The following GTPBP4 variants were observed in gnomAD, a reference collection of about 807,000 sequenced individuals.
The protein encoded by GTPBP4 is GTP binding protein 4, also known as GTP-binding protein 4.
GTPBP4 carries 15 observed loss-of-function variants against 81.7 expected under a neutral mutation model. That is an observed-to-expected ratio of 0.18 (90% CI 0.12 to 0.28). The LOEUF is 0.28. Among genes scored for constraint, GTPBP4 ranks in the 10% least tolerant of loss-of-function variants. The pLI is 1.00. For missense variants in GTPBP4, 847 were observed against 793.8 expected (o/e 1.07, Z -0.81); for synonymous variants, 272 against 274.6 (o/e 0.99, Z 0.09).
chr10:1,016,497 T>TC (rs1831995720), intron 16 of GTPBP4, among the ~76,000 whole-genome samples: 1 of 152,242 alleles, frequency 6.6e-6, no homozygotes, highest in Admixed American at 6.5e-5. Flanking sequence ...AACTGCAGTC[T>TC]CCTTCATGGA....
intron 5 of GTPBP4, among the ~76,000 whole-genome samples, chr10:997,772 C>G (rs537246595): frequency 6.6e-6 from 1 of 152,322 alleles, no homozygotes; most frequent in East Asian, 1.9e-4. Flanking sequence ...CCGTCTGCAG[C>G]TGCATCTGAG....
At chr10:1,008,848 T>C (rs1831799319) in intron 10 of GTPBP4, 110 bp from the exon 11 acceptor site, 1 of 819,716 alleles carries the variant, frequency 1.2e-6, no homozygotes, top group South Asian at 1.3e-5. Context: ...GGTCTGGGTA[T>C]GGTTTTCTGT....
intron 14 of GTPBP4, among the ~76,000 whole-genome samples, chr10:1,013,535 G>A (rs941041275): frequency 1.3e-4 from 20 of 152,148 alleles, no homozygotes; most frequent in African/African-American, 3.4e-4. Context: ...GTGTGAACCC[G>A]GGAGGCAGAG....
intron 1 of GTPBP4, among the ~76,000 whole-genome samples, chr10:991,263 G>C (rs1831436727): frequency 6.6e-6 from 1 of 152,208 alleles, no homozygotes; most frequent in South Asian, 2.1e-4. Flanking sequence ...CAGCACCCAA[G>C]TATCCCTAAC....
At position 1,017,489 on chromosome 10, in the gene GTPBP4, A is replaced by C; in HGVS notation, c.*262A>C. On this transcript the variant is annotated 3_prime_UTR_variant, in exon 17 of 17. Transcript: ENST00000360803. ...TTGCTTCAGATTTTCAGAACTGGGA[A>C]GATTTACTGGTTTAACTAGGTTGTT... 2 of 347,200 alleles carry C rather than the reference A, an allele frequency of 5.8e-6. No individual in the cohort carries two copies. 21.5% of individuals were successfully genotyped at this position (347,200 alleles called of 1,614,324 possible).
intron 13 of GTPBP4, among the ~76,000 whole-genome samples, chr10:1,011,021 G>A (rs564742572): frequency 2.6e-5 from 2 of 75,664 alleles, no homozygotes; most frequent in Non-Finnish European, 5.3e-5. Flanking sequence ...CTGTGTCTCC[G>A]CCAGGCCCTG....
In GTPBP4 at chr10:992,612, T is replaced by A. The variant is rs1347915171; in HGVS notation, c.172T>A (p.Tyr58Asn). The A allele has an allele frequency of 6.2e-7, 1 of 1,606,616 alleles. No homozygotes were observed. Among genetic ancestry groups the A allele is most frequent in the Admixed American group, 1.7e-5 (1 of 59,878 alleles). ...AAAAGTCAAATTTACTCAACAGAATTACCATGATAGACTTTCACAAATTCT... is the reference window on the plus strand; with the variant it reads ...AAAAGTCAAATTTACTCAACAGAATAACCATGATAGACTTTCACAAATTCT... The part of the protein sequence containing the change: ...MRKVKFTQQN[Y>N]HDRLSQILTD... The change falls in exon 2 of 17, where the codon TAC becomes AAC. Residue 58 changes from tyrosine (Y) to asparagine (N), a missense_variant. Tyr to Asn is a moderately radical substitution (Grantham distance 143, BLOSUM62 -2). Transcript: ENST00000360803.
chr10:1,012,987 CT>C (rs1474663769), intron 14 of GTPBP4, among the ~76,000 whole-genome samples: 1 of 151,838 alleles, frequency 6.6e-6, no homozygotes, highest in East Asian at 1.9e-4. Flanking sequence ...TTCTCTCTCT[CT>C]TTTTTTTAGG....
chr10:989,679 C>T (rs148518607), intron 1 of GTPBP4, among the ~76,000 whole-genome samples: 55 of 152,320 alleles, frequency 3.6e-4, no homozygotes, highest in African/African-American at 1.3e-3. Flanking sequence ...CCCCACTTCT[C>T]TCCACCATTT....
intron 13 of GTPBP4, among the ~76,000 whole-genome samples, chr10:1,011,685 G>A (rs1831877986): frequency 6.6e-6 from 1 of 152,174 alleles, no homozygotes; most frequent in African/African-American, 2.4e-5. Flanking sequence ...CAGATTCTGG[G>A]ATAGCAGATT....
In GTPBP4 at chr10:1,017,122, G is replaced by C. The variant is rs1832007389; in HGVS notation, c.1800G>C (p.Met600Ile). The C allele has an allele frequency of 6.2e-7, 1 of 1,613,800 alleles. No homozygotes were observed. Among genetic ancestry groups the C allele is most frequent in the African/African-American group, 1.3e-5 (1 of 74,934 alleles). The change falls in exon 17 of 17, where the codon ATG becomes ATC. Residue 600 changes from methionine to isoleucine, a missense_variant. Coordinates refer to ENST00000360803, the MANE Select transcript of GTPBP4 (RefSeq NM_012341.3). Reference sequence around the variant, plus strand: ...TGATGAAGAATGCTCAGAAGAAGATGAATCGGTTGGGGAAGAAAGGGGAGG... The same window carrying C: ...TGATGAAGAATGCTCAGAAGAAGATCAATCGGTTGGGGAAGAAAGGGGAGG... Reference protein sequence around the residue: ...KTMMKNAQKKMNRLGKKGEAD... With the variant: ...KTMMKNAQKKINRLGKKGEAD...
rs891726773 is a variant in GTPBP4 at position 1,017,851 on chromosome 10, C to T, written c.*624C>T. 6.6e-6 allele frequency: 1 copy of T among 152,182 alleles called. No individual in the cohort carries two copies. The highest frequency in any genetic ancestry group is 1.5e-5 in the Non-Finnish European group (1 of 68,034). 9.4% of individuals were successfully genotyped at this position (152,182 alleles called of 1,614,324 possible). A position where few individuals can be genotyped will look rare whatever the true frequency, so the allele number is the denominator to read the frequency against. On this transcript the variant is annotated 3_prime_UTR_variant, in exon 17 of 17. Transcript: ENST00000360803. ...GAGGCATTAGGCAATTAAATATGGG[C>T]ATTCTCCTATTTCTGTGGCCCGTCC...
intron 2 of GTPBP4, among the ~76,000 whole-genome samples, chr10:995,496 T>G (rs939384612): frequency 1.6e-5 from 1 of 63,368 alleles, no homozygotes; most frequent in Non-Finnish European, 2.9e-5. Context: ...ACAGTGTGTC[T>G]TGGGAGCAAA....
At position 1,000,709 on chromosome 10, in the gene GTPBP4, T is replaced by C; in HGVS notation, c.687T>C (p.Pro229=). The C allele has an allele frequency of 6.4e-7, 1 of 1,558,272 alleles. No homozygotes were observed. ...VVDTPGILDH[P]LEDRNTIEMQ... is the part of the protein sequence containing the mutation. The stretch of plus-strand genomic sequence containing the variant: ...ACACTCCTGGGATCCTGGACCACCC[T>C]CTGGAGGATAGGAACACCATCGAGA... Residue 229 remains proline (P), a synonymous_variant, in exon 7 of 17, where the codon CCT becomes CCC. Transcript: ENST00000360803.
At chr10:988,789 G>C (rs2794648) in intron 1 of GTPBP4, 453,342 of 454,780 alleles carry the variant, frequency 1, 225,968 homozygotes, top group East Asian at 1. Flanking sequence ...CCCCAGAGAT[G>C]GGGGTACACC....
intron 1 of GTPBP4, among the ~76,000 whole-genome samples, chr10:991,105 T>C (rs2132153568): frequency 6.6e-6 from 1 of 151,860 alleles, no homozygotes; most frequent in South Asian, 2.1e-4. Flanking sequence ...ACCACCCATT[T>C]ACTTGTCTCA....
Position 1,015,851 on chromosome 10 carries a change from T to A in GTPBP4, c.1707T>A (p.Ser569Arg), listed in dbSNP as rs570626417. The A allele has an allele frequency of 1.2e-5, 19 of 1,613,418 alleles. No homozygotes were observed. The South Asian group carries it at 2.1e-4, about 18-fold the overall frequency. The part of the protein sequence containing the change: ...APPSSVARSG[S>R]CSRTPRDVSG... ...CGTCCTCTGTGGCCCGGAGTGGGAGTTGCTCTCGAACTCCACGTGACGTTT... is the reference window on the plus strand; with the variant it reads ...CGTCCTCTGTGGCCCGGAGTGGGAGATGCTCTCGAACTCCACGTGACGTTT... The change falls in exon 16 of 17, where the codon AGT (serine) becomes AGA (arginine). Residue 569 changes from serine (S) to arginine (R), a missense_variant. Physicochemically the swap from Ser to Arg is moderately radical, Grantham distance 110 (BLOSUM62 -1). Transcript: ENST00000360803.
intron 10 of GTPBP4, 28 bp downstream of exon 10, chr10:1,007,156 G>A (rs1276957063): frequency 1.6e-6 from 2 of 1,253,600 alleles, no homozygotes; most frequent in Non-Finnish European, 2.3e-6. Context: ...ACAGCCGTGG[G>A]CTCACAGTAC....
In GTPBP4 at chr10:1,017,348, T is replaced by A; in HGVS notation, c.*121T>A. On this transcript the variant is annotated 3_prime_UTR_variant, in exon 17 of 17. Coordinates refer to ENST00000360803, the MANE Select transcript of GTPBP4 (RefSeq NM_012341.3). ...GAAAAAGACAAAATAAGTAAAGCAC[T>A]TGTTGCTTTGCTGAAAACTATGGTT... is the stretch of plus-strand genomic sequence containing the variant. The A allele has an allele frequency of 1.1e-6, 1 of 931,376 alleles. No homozygotes were observed. The highest frequency in any genetic ancestry group is 1.6e-5 in the African/African-American group (1 of 60,928). 57.7% of individuals were successfully genotyped at this position (931,376 alleles called of 1,614,324 possible).
Sources: gnomAD v4.1 joint callset for allele counts (sites outside exome capture counted in the v4.1 genomes callset) on GRCh38, gnomAD v4.1.1 for gene constraint, MANE v1.5 for transcripts, NCBI Gene and HGNC (gene_info 2026-07-23, HGNC 2026-07-21) for gene names.